Variants in BCAS3 observed in about 807,000 individuals in gnomAD.
BCAS3 encodes the protein BCAS4/BCAS3 fusion.
A neutral mutation model predicts 116.1 loss-of-function variants in BCAS3; 53 were observed. That is an observed-to-expected ratio of 0.46 (90% CI 0.37 to 0.57). BCAS3 has a LOEUF of 0.57. Among genes scored for constraint, BCAS3 ranks in the 20% least tolerant of loss-of-function variants. BCAS3 has a pLI of 0.00. For missense variants in BCAS3, 917 were observed against 1,165.4 expected, an observed-to-expected ratio of 0.79 and a Z score of 3.10; for synonymous variants, 391 against 408.2, an observed-to-expected ratio of 0.96 and a Z score of 0.51.
intron 21 of BCAS3, among the ~76,000 whole-genome samples, chr17:61,080,075 TTG>T (rs909157571): frequency 4.6e-5 from 7 of 151,582 alleles, no homozygotes. Flanking sequence ...TCCCTAGTTT[TTG>T]TGTTTTTAGT....
At chr17:60,988,360 T>TTTTTTTTTTTTTTTTTTA (rs1555651709) in intron 14 of BCAS3, among the ~76,000 whole-genome samples, 1 of 134,822 alleles carries the variant, frequency 7.4e-6, no homozygotes, top group Admixed American at 7.2e-5. Context: ...TTTTTTTTTT[T>TTTTTTTTTTTTTTTTTTA]ATGTATGTGT....
intron 22 of BCAS3, among the ~76,000 whole-genome samples, chr17:61,150,254 G>T (rs2077472589): frequency 6.6e-6 from 1 of 152,154 alleles, no homozygotes; most frequent in African/African-American, 2.4e-5. Context: ...GCAATTACTG[G>T]AGCTCTCATT....
At chr17:61,299,277 A>G (rs1273524724) in intron 22 of BCAS3, among the ~76,000 whole-genome samples, 1 of 151,728 alleles carries the variant, frequency 6.6e-6, no homozygotes, top group Non-Finnish European at 1.5e-5. Context: ...CTCTGTCTCT[A>G]CTAAAAATAC....
intron 6 of BCAS3, among the ~76,000 whole-genome samples, chr17:60,797,271 A>G (rs933980582): frequency 6.6e-6 from 1 of 152,054 alleles, no homozygotes; most frequent in Non-Finnish European, 1.5e-5. Context: ...CTATCAGTAG[A>G]CTTTTGGGTT....
At chr17:61,117,153 C>G (rs1568389433) in intron 22 of BCAS3, among the ~76,000 whole-genome samples, 3 of 152,222 alleles carry the variant, frequency 2.0e-5, no homozygotes. Context: ...TATAATCTCA[C>G]AGATCCCTGA....
chr17:61,006,065 GCGATAGTTTA>G (rs2145495538), intron 15 of BCAS3, among the ~76,000 whole-genome samples: 1 of 151,928 alleles, frequency 6.6e-6, no homozygotes, highest in East Asian at 1.9e-4. Flanking sequence ...TTTTGTTCTT[GCGATAGTTTA>G]CTGAGAATGA....
At chr17:60,810,881 C>A in intron 7 of BCAS3, 1 of 702,670 alleles carries the variant, frequency 1.4e-6, no homozygotes, top group East Asian at 2.8e-5. Context: ...GAGGTAGATG[C>A]CCCCAAATCT....
At chr17:61,353,441 T>A (rs1175311266) in intron 22 of BCAS3, 2 of 152,334 alleles carry the variant, frequency 1.3e-5, no homozygotes, top group African/African-American at 4.8e-5. Flanking sequence ...CTGCTGCTGG[T>A]GGGTGGAGCA....
At chr17:61,266,907 A>C (rs1284548802) in intron 22 of BCAS3, among the ~76,000 whole-genome samples, 1 of 152,200 alleles carries the variant, frequency 6.6e-6, no homozygotes, top group Non-Finnish European at 1.5e-5. Context: ...ACGCACATTC[A>C]TCCATTGCCA....
chr17:60,975,548 A>G (rs2062285540), intron 14 of BCAS3, among the ~76,000 whole-genome samples: 2 of 152,238 alleles, frequency 1.3e-5, no homozygotes, highest in Admixed American at 6.5e-5. Flanking sequence ...TTGTTGAGGT[A>G]TAATTCACAT....
chr17:61,295,938 G>A (rs2052853646), intron 22 of BCAS3, among the ~76,000 whole-genome samples: 1 of 145,598 alleles, frequency 6.9e-6, no homozygotes, highest in Admixed American at 7.0e-5. Context: ...CTGGGCAACA[G>A]AGCAAGACTC....
At chr17:60,731,956 G>A (rs1037637197) in intron 5 of BCAS3, among the ~76,000 whole-genome samples, 1 of 151,802 alleles carries the variant, frequency 6.6e-6, no homozygotes, top group Non-Finnish European at 1.5e-5. Flanking sequence ...TGTATTTTTA[G>A]TAGAGATGGG....
At chr17:61,116,770 T>A (rs1351351681) in intron 22 of BCAS3, among the ~76,000 whole-genome samples, 1 of 152,162 alleles carries the variant, frequency 6.6e-6, no homozygotes, top group Non-Finnish European at 1.5e-5. Flanking sequence ...GGATTCAAGG[T>A]TCATAGTTCT....
chr17:61,197,701 C>G (rs1270908353), intron 22 of BCAS3, among the ~76,000 whole-genome samples: 1 of 152,148 alleles, frequency 6.6e-6, no homozygotes, highest in African/African-American at 2.4e-5. Flanking sequence ...ACAGAGGACC[C>G]TATACTGAGA....
chr17:60,935,908 C>A (rs1157674593), intron 13 of BCAS3, among the ~76,000 whole-genome samples: 2 of 151,540 alleles, frequency 1.3e-5, no homozygotes, highest in Non-Finnish European at 2.9e-5. Flanking sequence ...GCACAACATG[C>A]AGGTTATTTA....
At chr17:61,322,834 G>C (rs34483497) in intron 22 of BCAS3, among the ~76,000 whole-genome samples, 115 of 131,770 alleles carry the variant, frequency 8.7e-4, no homozygotes, top group African/African-American at 3.6e-3. Flanking sequence ...GAGAGACAGA[G>C]AGAGAGAGAG....
intron 14 of BCAS3, among the ~76,000 whole-genome samples, chr17:60,971,345 A>G (rs1044913552): frequency 5.9e-5 from 9 of 152,194 alleles, no homozygotes; most frequent in Non-Finnish European, 8.8e-5. Flanking sequence ...GATAATAAGT[A>G]TCTTTGACTC....
At chr17:61,114,971 G>C (rs1408634381) in intron 22 of BCAS3, among the ~76,000 whole-genome samples, 5 of 151,976 alleles carry the variant, frequency 3.3e-5, no homozygotes, top group African/African-American at 9.7e-5. Context: ...ACAAATCTGA[G>C]AAAAACAAGC....
In BCAS3 at chr17:61,124,646, T is replaced by A. The variant is rs1274364530; in HGVS notation, c.2425+40082T>A. Among the ~76,000 whole-genome samples, 2 of 152,234 alleles carry A rather than the reference T, an allele frequency of 1.3e-5. No individual in the cohort carries two copies. Among genetic ancestry groups the A allele is most frequent in the Non-Finnish European group, 2.9e-5 (2 of 68,048 alleles). On this transcript the variant is annotated intron_variant, in intron 22 of 23. Coordinates refer to ENST00000407086, the MANE Select transcript of BCAS3 (RefSeq NM_017679.5). The surrounding 1 kb of genome is among the most constrained non-coding windows in gnomAD (Gnocchi z 4.6). Reference sequence around the variant, plus strand: ...TTATGTAGTTAATCATATTAAACTGTTTTTCAGTTTTGAAATATGAGAGAT... The same window carrying A: ...TTATGTAGTTAATCATATTAAACTGATTTTCAGTTTTGAAATATGAGAGAT...
Sources: gnomAD v4.1 joint callset for allele counts (sites outside exome capture counted in the v4.1 genomes callset) on GRCh38, gnomAD v4.1.1 for gene constraint, Gnocchi (gnomAD v3.1) non-coding constraint, MANE v1.5 for transcripts, NCBI Gene and HGNC (gene_info 2026-07-23, HGNC 2026-07-21) for gene names.